The following FRMPD4 variants were observed in gnomAD, a reference collection of about 807,000 sequenced individuals.
FRMPD4 encodes the protein FERM and PDZ domain containing 4, also known as FERM and PDZ domain-containing protein 4.
In FRMPD4, 22 loss-of-function variants were observed where a neutral mutation model predicts 94.1. That is an observed-to-expected ratio of 0.23 (90% CI 0.17 to 0.33). The LOEUF is 0.33. Ranked by LOEUF, FRMPD4 falls within the 10% of genes least tolerant of loss-of-function variation. FRMPD4 has a pLI of 1.00. For synonymous variants in FRMPD4, 631 were observed against 548.6 expected (o/e 1.15, Z -2.10); for missense variants, 1,111 against 1,339.9 (o/e 0.83, Z 2.67).
chrX:11,891,814 T>A (rs2053875264), intron 3 of FRMPD4, among the ~76,000 whole-genome samples: 1 of 112,492 alleles, frequency 8.9e-6, no homozygotes, highest in Non-Finnish European at 1.9e-5. Context: ...TAATACATAT[T>A]TGATAAATGT....
At chrX:11,928,293 C>T (rs1179796199) in intron 3 of FRMPD4, among the ~76,000 whole-genome samples, 3 of 112,008 alleles carry the variant, frequency 2.7e-5, no homozygotes, top group East Asian at 5.6e-4. Flanking sequence ...CACAGTTCAG[C>T]GTGGCTGGGG....
intron 3 of FRMPD4, among the ~76,000 whole-genome samples, chrX:12,004,249 G>A (rs1055656511): frequency 2.7e-5 from 3 of 111,996 alleles, no homozygotes; most frequent in Non-Finnish European, 3.8e-5. Context: ...ATTCTGATTC[G>A]GGTAAATACT....
At chrX:12,542,228 G>T (rs1442352024) in intron 2 of FRMPD4, among the ~76,000 whole-genome samples, 2 of 112,095 alleles carry the variant, frequency 1.8e-5, no homozygotes, top group African/African-American at 6.5e-5. Context: ...AGTGTTGGAA[G>T]TTCTGGCCAG....
chrX:12,597,959 G>A (rs767067791), intron 2 of FRMPD4, among the ~76,000 whole-genome samples: 4 of 112,291 alleles, frequency 3.6e-5, no homozygotes, highest in South Asian at 7.4e-4. Context: ...TTCAAGGTCC[G>A]TATGTGGAAA....
In FRMPD4 at chrX:12,547,482, G is replaced by A. The variant is rs143555087; in HGVS notation, c.158+48686G>A. Among the ~76,000 whole-genome samples the A allele has an allele frequency of 1.0e-3, 117 of 111,523 alleles. 1 individual carries two copies. The East Asian group carries it at 0.027, about 26-fold the overall frequency. ...AACAAAGATATTAAATTTAAATTTC[G>A]ATGTTCATAAATCGTCTCATTGGAA... On this transcript the variant is annotated intron_variant, in intron 2 of 16. Transcript: ENST00000675598.
At chrX:12,416,334 AG>A (rs1478937140) in intron 1 of FRMPD4, among the ~76,000 whole-genome samples, 1 of 111,451 alleles carries the variant, frequency 9.0e-6, no homozygotes, top group Non-Finnish European at 1.9e-5. Flanking sequence ...GGGGCATGGC[AG>A]ATTTCCTAAT....
At chrX:12,522,920 T>C (rs1480507305) in intron 2 of FRMPD4, among the ~76,000 whole-genome samples, 1 of 112,177 alleles carries the variant, frequency 8.9e-6, no homozygotes, top group Non-Finnish European at 1.9e-5. Context: ...GATTGTCTAA[T>C]GCCTATTTTA....
At chrX:12,286,705 T>G (rs1458058099) in intron 1 of FRMPD4, among the ~76,000 whole-genome samples, 1 of 112,072 alleles carries the variant, frequency 8.9e-6, no homozygotes, top group Non-Finnish European at 1.9e-5. Flanking sequence ...GAAATTCATG[T>G]GTCACTGTGT....
chrX:12,436,195 G>A (rs754140456), intron 1 of FRMPD4, among the ~76,000 whole-genome samples: 1 of 110,900 alleles, frequency 9.0e-6, no homozygotes, highest in East Asian at 2.8e-4. Context: ...TAGTGGACAC[G>A]GGTTTCATCA....
At chrX:11,834,530 T>G (rs1385270511) in intron 1 of FRMPD4, among the ~76,000 whole-genome samples, 1 of 111,890 alleles carries the variant, frequency 8.9e-6, no homozygotes, top group African/African-American at 3.2e-5. Flanking sequence ...GAAAATTATC[T>G]TGTATTTATT....
chrX:12,112,097 G>A (rs767318145), intron 3 of FRMPD4, among the ~76,000 whole-genome samples: 10 of 111,711 alleles, frequency 9.0e-5, no homozygotes, highest in East Asian at 2.8e-4. Flanking sequence ...AAATCATACC[G>A]CTATAAAGAC....
chrX:11,906,115 TTTTATTTA>T (rs59185589), intron 3 of FRMPD4, among the ~76,000 whole-genome samples: 257 of 88,243 alleles, frequency 2.9e-3, no homozygotes, highest in South Asian at 7.6e-3. Context: ...TTTCCCTTCA[TTTTATTTA>T]TTTATTTATT....
intron 1 of FRMPD4, among the ~76,000 whole-genome samples, chrX:12,284,231 T>C: frequency 8.9e-6 from 1 of 111,792 alleles, no homozygotes. Flanking sequence ...CTCCTCTGTT[T>C]ACTGGCTCCT....
chrX:12,221,339 G>A (rs1054683017), intron 1 of FRMPD4, among the ~76,000 whole-genome samples: 1 of 112,171 alleles, frequency 8.9e-6, no homozygotes, highest in Non-Finnish European at 1.9e-5. Context: ...ATACTGCTTA[G>A]CAAACATAGA....
chrX:12,079,232 C>T (rs776275801), intron 3 of FRMPD4, among the ~76,000 whole-genome samples: 1 of 110,477 alleles, frequency 9.1e-6, no homozygotes, highest in South Asian at 3.9e-4. Flanking sequence ...TATTGTAGCA[C>T]CAGAAGCCAT....
chrX:12,186,525 A>G (rs2056426639), intron 1 of FRMPD4, among the ~76,000 whole-genome samples: 1 of 111,420 alleles, frequency 9.0e-6, no homozygotes, highest in South Asian at 3.8e-4. Flanking sequence ...GAGGATTTAA[A>G]TAATTTTTTA....
chrX:12,393,427 A>T (rs1284137771), intron 1 of FRMPD4, among the ~76,000 whole-genome samples: 2 of 112,230 alleles, frequency 1.8e-5, no homozygotes, highest in African/African-American at 3.2e-5. Context: ...TTAAAAGATG[A>T]TACATTATTA....
At chrX:12,676,010 GC>G (rs2059894951) in intron 5 of FRMPD4, among the ~76,000 whole-genome samples, 1 of 111,799 alleles carries the variant, frequency 8.9e-6, no homozygotes, top group African/African-American at 3.3e-5. Flanking sequence ...AACAAATTAT[GC>G]CATCTTACTA....
intron 1 of FRMPD4, among the ~76,000 whole-genome samples, chrX:12,263,291 C>G (rs920373395): frequency 9.0e-6 from 1 of 111,271 alleles, no homozygotes. Flanking sequence ...CCCTGGTAAA[C>G]CAGGATGGTT....
Sources: allele counts gnomAD v4.1 joint callset (sites outside exome capture counted in the v4.1 genomes callset), GRCh38; gene constraint gnomAD v4.1.1; transcripts MANE v1.5; gene names NCBI Gene and HGNC (gene_info 2026-07-23, HGNC 2026-07-21).